Variants in ASPH observed in about 807,000 individuals in gnomAD.
The protein encoded by ASPH is aspartyl/asparaginyl beta-hydroxylase.
A neutral mutation model predicts 118.4 loss-of-function variants in ASPH; 100 were observed. The observed-to-expected ratio is 0.84, with a 90% confidence interval of 0.72 to 1.00. ASPH has a LOEUF of 1.00. ASPH is among the 50% of genes least tolerant of loss of function. The pLI is 0.00. For missense variants in ASPH, 920 were observed against 919.5 expected, an observed-to-expected ratio of 1.00 and a Z score of -0.01; for synonymous variants, 315 against 325.6, an observed-to-expected ratio of 0.97 and a Z score of 0.35.
chr8:61,577,295 C>T (rs1329938914), intron 15 of ASPH, among the ~76,000 whole-genome samples: 1 of 149,400 alleles, frequency 6.7e-6, no homozygotes, highest in Non-Finnish European at 1.5e-5. Context: ...AACAAACCTG[C>T]ACATGGTGCA....
intron 3 of ASPH, among the ~76,000 whole-genome samples, chr8:61,654,363 G>C (rs577350305): frequency 1.3e-5 from 2 of 152,220 alleles, no homozygotes; most frequent in East Asian, 3.9e-4. Flanking sequence ...ATTAAAATAG[G>C]TCCTCAATTA....
At chr8:61,536,060 A>T (rs1339260388) in intron 21 of ASPH, among the ~76,000 whole-genome samples, 1 of 126,234 alleles carries the variant, frequency 7.9e-6, no homozygotes, top group Admixed American at 9.0e-5. Flanking sequence ...TTTTTTTGAG[A>T]CAAGAGTCTC....
intron 18 of ASPH, among the ~76,000 whole-genome samples, chr8:61,562,382 A>AGGGTGTCTCTGT (rs1563827483): frequency 6.4e-5 from 2 of 31,128 alleles, no homozygotes; most frequent in East Asian, 6.1e-4. Flanking sequence ...AAAAAAGGAA[A>AGGGTGTCTCTGT]GTGTGTCTGT....
chr8:61,701,627 C>A (rs1294109668), intron 1 of ASPH, among the ~76,000 whole-genome samples: 1 of 152,136 alleles, frequency 6.6e-6, no homozygotes, highest in Non-Finnish European at 1.5e-5. Context: ...TTACTGGTTA[C>A]AACTAAACAG....
Position 61,518,083 on chromosome 8 carries a change from G to A in ASPH, c.1941C>T (p.Thr647=), listed in dbSNP as rs1160984255. ...NENACKGAPK[T]CTLLEKFPET... is the part of the protein sequence containing the mutation. ...CGGGGAACTTTTCTAGTAAGGTACA[G>A]GTTTTAGGAGCTCCTTTGCAGGCAT... Residue 647 remains threonine (T), a synonymous_variant, in exon 23 of 25, where the codon ACC becomes ACT. Transcript: ENST00000379454. 3.1e-6 allele frequency: 5 copies of A among 1,613,792 alleles called. No individual in the cohort carries two copies. The African/African-American group carries it at 6.7e-5, about 22-fold the overall frequency.
At chr8:61,640,229 A>G (rs1804489121) in intron 10 of ASPH, among the ~76,000 whole-genome samples, 1 of 152,192 alleles carries the variant, frequency 6.6e-6, no homozygotes, top group South Asian at 2.1e-4. Context: ...ATGCACGGAA[A>G]GACCCAATTT....
intron 22 of ASPH, among the ~76,000 whole-genome samples, chr8:61,518,450 C>T (rs764196598): frequency 6.6e-6 from 1 of 152,044 alleles, no homozygotes; most frequent in Non-Finnish European, 1.5e-5. Context: ...GGATTAGGGG[C>T]TTCGATCCTC....
chr8:61,585,544 T>C (rs1839159181), intron 14 of ASPH, among the ~76,000 whole-genome samples: 1 of 152,176 alleles, frequency 6.6e-6, no homozygotes, highest in Non-Finnish European at 1.5e-5. Flanking sequence ...GTCTTGTGCC[T>C]TCTGAATGTC....
chr8:61,553,849 G>A (rs553991151), intron 19 of ASPH, among the ~76,000 whole-genome samples: 19 of 152,272 alleles, frequency 1.2e-4, no homozygotes, highest in Admixed American at 5.9e-4. Context: ...AAATGTCAAG[G>A]ACTTCTTTCT....
chr8:61,555,733 T>A (rs571344550), intron 19 of ASPH, among the ~76,000 whole-genome samples, 191 bp downstream of exon 19: 1 of 152,382 alleles, frequency 6.6e-6, no homozygotes, highest in Admixed American at 6.5e-5. Context: ...GTGGTTGGTA[T>A]CCTGACATCT....
chr8:61,517,619 G>A lies in ASPH; in HGVS notation c.2035C>T (p.His679Tyr). The A allele has an allele frequency of 6.2e-7, 1 of 1,614,152 alleles. No individual in the cohort carries two copies. The highest frequency in any genetic ancestry group is 1.1e-5 in the South Asian group (1 of 91,088). ...IMHPGTHVWP[H>Y]TGPTNCRLRM... ...AGCCTGCAGTTTGTGGGCCCTGTGTGCGGCCACACGTGAGTCCCGGGGTGC... is the reference window on the plus strand; with the variant it reads ...AGCCTGCAGTTTGTGGGCCCTGTGTACGGCCACACGTGAGTCCCGGGGTGC... The change falls in exon 24 of 25, where the codon CAC becomes TAC. Residue 679 changes from histidine (H) to tyrosine (Y), a missense_variant. His to Tyr is a moderately conservative substitution (Grantham distance 83). Coordinates refer to ENST00000379454, the MANE Select transcript of ASPH (RefSeq NM_004318.4).
intron 2 of ASPH, chr8:61,683,805 C>T: frequency 2.5e-6 from 1 of 399,544 alleles, no homozygotes; most frequent in Non-Finnish European, 4.4e-6. Flanking sequence ...CCCTGTGTGA[C>T]AGACATACAA....
intron 21 of ASPH, among the ~76,000 whole-genome samples, chr8:61,529,786 G>A (rs949263173): frequency 2.0e-5 from 3 of 152,158 alleles, no homozygotes; most frequent in Non-Finnish European, 4.4e-5. Context: ...TCTGGTGAGG[G>A]CCACTTTCTG....
intron 21 of ASPH, among the ~76,000 whole-genome samples, chr8:61,537,465 G>A (rs1820058025): frequency 6.6e-6 from 1 of 152,184 alleles, no homozygotes. Flanking sequence ...AAACCTCTGG[G>A]CTCAAGAAAT....
chr8:61,578,551 T>C, intron 15 of ASPH: 2 of 1,522,058 alleles, frequency 1.3e-6, no homozygotes, highest in African/African-American at 2.7e-5. Context: ...AAGGTACGGT[T>C]CCTGGAGCAG....
chr8:61,703,003 T>C (rs1015035787), intron 1 of ASPH, among the ~76,000 whole-genome samples: 13 of 152,114 alleles, frequency 8.5e-5, no homozygotes, highest in African/African-American at 2.9e-4. Context: ...ACATCTAACA[T>C]AAACACAGAC....
At chr8:61,602,214 T>C in intron 14 of ASPH, among the ~76,000 whole-genome samples, 1 of 151,386 alleles carries the variant, frequency 6.6e-6, no homozygotes, top group Admixed American at 6.6e-5. Context: ...CTTATCAAAA[T>C]GTTAGCAAAT....
chr8:61,552,989 C>T (rs369413234), intron 20 of ASPH, 42 bp downstream of exon 20: 17 of 1,446,974 alleles, frequency 1.2e-5, no homozygotes, highest in Non-Finnish European at 1.5e-5. Context: ...CTCCCAACTC[C>T]ATCCTCTGTT....
At chr8:61,581,547 G>A (rs1356243309) in intron 15 of ASPH, among the ~76,000 whole-genome samples, 1 of 152,194 alleles carries the variant, frequency 6.6e-6, no homozygotes, top group African/African-American at 2.4e-5. Context: ...GCATCCATCA[G>A]TATACCTTTT....
Sources: allele counts gnomAD v4.1 joint callset (sites outside exome capture counted in the v4.1 genomes callset), GRCh38; gene constraint gnomAD v4.1.1; transcripts MANE v1.5; gene names NCBI Gene and HGNC (gene_info 2026-07-23, HGNC 2026-07-21).